Variants in TSNARE1 observed in about 807,000 individuals in gnomAD.
TSNARE1 encodes the protein t-SNARE domain containing 1, also known as t-SNARE domain-containing protein 1.
In TSNARE1, 49 loss-of-function variants were observed where a neutral mutation model predicts 62.0. The observed-to-expected ratio is 0.79, with a 90% CI of 0.63 to 1.00. TSNARE1 has a LOEUF of 1.00. Ranked by LOEUF, TSNARE1 falls within the 50% of genes least tolerant of loss-of-function variation. TSNARE1 has a pLI of 0.00. For synonymous variants in TSNARE1, 328 were observed against 294.4 expected (o/e 1.11, Z -1.17); for missense variants, 755 against 700.1 (o/e 1.08, Z -0.88).
At chr8:142,223,017 C>G in intron 13 of TSNARE1, among the ~76,000 whole-genome samples, 1 of 138,812 alleles carries the variant, frequency 7.2e-6, no homozygotes, top group South Asian at 2.5e-4. Flanking sequence ...TTTACTCACT[C>G]ACTCAGCCAC....
At chr8:142,256,192 A>G (rs1818528911) in intron 12 of TSNARE1, among the ~76,000 whole-genome samples, 1 of 133,312 alleles carries the variant, frequency 7.5e-6, no homozygotes, top group East Asian at 2.3e-4. Context: ...CACCACCATC[A>G]TCACCACCAC....
At chr8:142,251,711 C>T (rs562006531) in intron 12 of TSNARE1, among the ~76,000 whole-genome samples, 1 of 151,790 alleles carries the variant, frequency 6.6e-6, no homozygotes, top group South Asian at 2.1e-4. Flanking sequence ...ATCTGCAGGG[C>T]CCGGGCACCA....
chr8:142,401,553 G>A (rs1372182756), intron 1 of TSNARE1, among the ~76,000 whole-genome samples: 5 of 152,180 alleles, frequency 3.3e-5, no homozygotes, highest in Non-Finnish European at 7.3e-5. Context: ...GGCTGCCCAT[G>A]AGCCCCTAGA....
chr8:142,297,516 T>C (rs1241526255), intron 10 of TSNARE1, among the ~76,000 whole-genome samples: 1 of 152,136 alleles, frequency 6.6e-6, no homozygotes, highest in African/African-American at 2.4e-5. Flanking sequence ...TACAAAATCT[T>C]GCAAATCCCA....
At chr8:142,275,903 C>G in intron 11 of TSNARE1, 1 of 985,398 alleles carries the variant, frequency 1.0e-6, no homozygotes, top group Non-Finnish European at 1.2e-6. Flanking sequence ...AAGGCCACTC[C>G]CCACCGTCCC....
chr8:142,227,816 T>G (rs1217064604), intron 13 of TSNARE1, among the ~76,000 whole-genome samples: 1 of 152,280 alleles, frequency 6.6e-6, no homozygotes, highest in Non-Finnish European at 1.5e-5. Context: ...GGCTGGGCTC[T>G]GCCTCCGCAT....
At chr8:142,402,321 A>C (rs1349335779) in intron 1 of TSNARE1, among the ~76,000 whole-genome samples, 1 of 152,166 alleles carries the variant, frequency 6.6e-6, no homozygotes, top group Admixed American at 6.5e-5. Flanking sequence ...CACAGCCGCC[A>C]CCAGACACGT....
At chr8:142,324,993 AC>A (rs1256303571) in intron 6 of TSNARE1, among the ~76,000 whole-genome samples, 1 of 152,194 alleles carries the variant, frequency 6.6e-6, no homozygotes, top group South Asian at 2.1e-4. Flanking sequence ...CCCGTCCTAG[AC>A]CTGGCAACAC....
At chr8:142,295,245 A>T (rs1313226570) in intron 10 of TSNARE1, among the ~76,000 whole-genome samples, 1 of 152,210 alleles carries the variant, frequency 6.6e-6, no homozygotes, top group Non-Finnish European at 1.5e-5. Flanking sequence ...GGGCAGCCCC[A>T]GGTGAAAAGT....
intron 11 of TSNARE1, chr8:142,276,417 G>T: frequency 1.0e-6 from 1 of 985,480 alleles, no homozygotes; most frequent in Non-Finnish European, 1.2e-6. Context: ...GGGAGGAGGC[G>T]CTAGCCTGGG....
intron 12 of TSNARE1, chr8:142,271,576 G>A (rs1819552605): frequency 7.1e-7 from 1 of 1,415,054 alleles, no homozygotes; most frequent in Non-Finnish European, 9.2e-7. Context: ...AGGGTGAGGA[G>A]GTGGGTGCGT....
At chr8:142,348,572 C>T (rs1833682356) in intron 2 of TSNARE1, among the ~76,000 whole-genome samples, 1 of 131,172 alleles carries the variant, frequency 7.6e-6, no homozygotes, top group South Asian at 2.8e-4. Context: ...CACCCCATGC[C>T]CACCCTCCCC....
intron 12 of TSNARE1, among the ~76,000 whole-genome samples, chr8:142,249,603 T>C (rs1818056118): frequency 6.6e-6 from 1 of 152,246 alleles, no homozygotes; most frequent in Non-Finnish European, 1.5e-5. Context: ...TAATTGTTCA[T>C]AAGCCTGTGC....
chr8:142,300,783 G>T, intron 9 of TSNARE1, 139 bp from the exon 10 acceptor site: 3 of 1,092,536 alleles, frequency 2.7e-6, no homozygotes, highest in East Asian at 2.6e-5. Context: ...GGTCTGAGGC[G>T]GGGGCCTTCT....
At chr8:142,330,742 G>A (rs971073618) in intron 6 of TSNARE1, among the ~76,000 whole-genome samples, 159 bp downstream of exon 6, 12 of 151,496 alleles carry the variant, frequency 7.9e-5, no homozygotes, top group Non-Finnish European at 8.8e-5. Flanking sequence ...AGGCTTATCC[G>A]CAGGCGTGTG....
rs200523350 is a variant in TSNARE1, at chr8:142,330,987, G to A, written c.824-17C>T. 1,203 of 1,613,160 alleles carry A rather than the reference G, an allele frequency of 7.5e-4. No homozygotes were observed. The highest frequency in any genetic ancestry group is 1.1e-3 in the South Asian group (98 of 91,060). ...AGGAGGTCACTGCCCGAGAGAAGAGGGACAGGGTGAGGGCAGAAGGAGCTT... is the reference window on the plus strand; with the variant it reads ...AGGAGGTCACTGCCCGAGAGAAGAGAGACAGGGTGAGGGCAGAAGGAGCTT... On this transcript the variant is annotated splice_polypyrimidine_tract_variant and intron_variant, in intron 5 of 13. Coordinates refer to ENST00000524325, the MANE Select transcript of TSNARE1 (RefSeq NM_145003.5).
chr8:142,283,978 G>A (rs1218391948), intron 11 of TSNARE1, among the ~76,000 whole-genome samples: 1 of 142,372 alleles, frequency 7.0e-6, no homozygotes, highest in Non-Finnish European at 1.6e-5. Context: ...CTGTCAAAGA[G>A]CAGAGTATGG....
chr8:142,275,230 C>T lies in TSNARE1; in HGVS notation c.1364-367G>A, dbSNP rs1252146997. Reference sequence around the variant, plus strand: ...GGCCAGCCCCTCCACTCTGTGGCCACGGCCCCCTCTGAAGGGGCAAAGCCC... The same window carrying T: ...GGCCAGCCCCTCCACTCTGTGGCCATGGCCCCCTCTGAAGGGGCAAAGCCC... On this transcript the variant is annotated intron_variant, in intron 11 of 13. Coordinates refer to ENST00000524325, the MANE Select transcript of TSNARE1 (RefSeq NM_145003.5). 15 of 985,294 alleles carry T rather than the reference C, an allele frequency of 1.5e-5. No individual in the cohort carries two copies. In the East Asian group the frequency reaches 4.5e-4, roughly 30 times the overall value. The allele number at this position is 985,294 out of a possible 1,614,324, so 61.0% of individuals were successfully genotyped here.
At chr8:142,275,615 A>G in intron 11 of TSNARE1, 2 of 985,392 alleles carry the variant, frequency 2.0e-6, no homozygotes, top group Non-Finnish European at 2.4e-6. Context: ...ACAGAGCCAC[A>G]TGCAAACACG....
Sources: allele counts gnomAD v4.1 joint callset (sites outside exome capture counted in the v4.1 genomes callset), GRCh38; gene constraint gnomAD v4.1.1; transcripts MANE v1.5; gene names NCBI Gene and HGNC (gene_info 2026-07-23, HGNC 2026-07-21).